The following CTBP2 variants were observed in gnomAD, a reference collection of about 807,000 sequenced individuals.
The protein encoded by CTBP2 is C-terminal binding protein 2, also known as C-terminal-binding protein 2.
Under a neutral mutation model 80.3 loss-of-function variants are expected in CTBP2, and 30 were observed. That is an observed-to-expected ratio of 0.37 (90% CI 0.28 to 0.51). CTBP2 has a LOEUF of 0.51. Among genes scored for constraint, CTBP2 ranks in the 20% least tolerant of loss-of-function variants. The probability of loss-of-function intolerance (pLI) is 0.93; values close to 1 mark genes in which losing one functional copy is unlikely to be tolerated. For missense variants in CTBP2, 1,212 were observed against 1,375.3 expected, an observed-to-expected ratio of 0.88 and a Z score of 1.88; for synonymous variants, 594 against 587.4, an observed-to-expected ratio of 1.01 and a Z score of -0.16.
intron 1 of CTBP2, among the ~76,000 whole-genome samples, chr10:125,009,045 G>T (rs1955570018): frequency 6.6e-6 from 1 of 152,184 alleles, no homozygotes; most frequent in Non-Finnish European, 1.5e-5. Flanking sequence ...GAGAATGTGA[G>T]GTCCCTTTCC....
At chr10:125,132,919 G>A (rs1436690948) in intron 1 of CTBP2, among the ~76,000 whole-genome samples, 2 of 152,198 alleles carry the variant, frequency 1.3e-5, no homozygotes, top group Non-Finnish European at 2.9e-5. Flanking sequence ...TTAACAGTAT[G>A]GCAAAATGAC....
intron 1 of CTBP2, among the ~76,000 whole-genome samples, chr10:125,152,004 G>T (rs1860017033): frequency 6.6e-6 from 1 of 152,162 alleles, no homozygotes; most frequent in Non-Finnish European, 1.5e-5. Context: ...TAAAGGCGAG[G>T]CGCGAGGTGG....
At chr10:125,113,254 T>C (rs891486393) in intron 1 of CTBP2, among the ~76,000 whole-genome samples, 2 of 152,216 alleles carry the variant, frequency 1.3e-5, no homozygotes, top group Non-Finnish European at 2.9e-5. Flanking sequence ...AACTATTTTT[T>C]TGAGGTGGCA....
intron 1 of CTBP2, among the ~76,000 whole-genome samples, chr10:125,121,578 A>C (rs1329734767): frequency 6.6e-6 from 1 of 152,232 alleles, no homozygotes; most frequent in East Asian, 1.9e-4. Flanking sequence ...TATATCACAG[A>C]AAATAGCATA....
chr10:124,992,669 G>T, intron 8 of CTBP2, 26 bp downstream of exon 10: 2 of 1,559,500 alleles, frequency 1.3e-6, no homozygotes, highest in African/African-American at 1.4e-5. Flanking sequence ...CTCACAAGCT[G>T]AGACAAAGTC....
At chr10:125,007,941 T>G (rs1453713428) in intron 1 of CTBP2, among the ~76,000 whole-genome samples, 2 of 151,290 alleles carry the variant, frequency 1.3e-5, no homozygotes, top group East Asian at 3.9e-4. Context: ...AGGCAAAGGC[T>G]GGCTCTGGCT....
chr10:125,080,848 G>A lies in CTBP2; in HGVS notation c.-102+30142C>T, dbSNP rs886613408. Among the ~76,000 whole-genome samples the A allele has an allele frequency of 2.6e-5, 4 of 152,000 alleles. No individual in the cohort carries two copies. In the East Asian group the frequency reaches 5.8e-4, roughly 22 times the overall value. The stretch of plus-strand genomic sequence containing the variant: ...GAGTGCACTTTTAACGTTCAGTGGA[G>A]GCAACTGCACATGCGTCACCTCCAC... On this transcript the variant is annotated intron_variant, in intron 2 of 10. Transcript: ENST00000337195.
At chr10:125,147,693 T>C (rs1048365838) in intron 1 of CTBP2, among the ~76,000 whole-genome samples, 2 of 151,522 alleles carry the variant, frequency 1.3e-5, no homozygotes, top group Non-Finnish European at 2.9e-5. Flanking sequence ...AGCTCAGGAG[T>C]TCATGAGCAG....
intron 1 of CTBP2, among the ~76,000 whole-genome samples, chr10:125,122,035 C>CT (rs1854413883): frequency 1.3e-5 from 2 of 152,216 alleles, no homozygotes; most frequent in Non-Finnish European, 2.9e-5. Context: ...GTCCTGGCTC[C>CT]CCAAAAAGCA....
intron 1 of CTBP2, among the ~76,000 whole-genome samples, chr10:125,125,423 C>G (rs1041093055): frequency 2.5e-4 from 38 of 152,208 alleles, no homozygotes; most frequent in African/African-American, 8.7e-4. Flanking sequence ...TGTCAATATC[C>G]GGTGTTTGGG....
chr10:125,117,996 T>C lies in CTBP2; in HGVS notation c.-205-6903A>G, dbSNP rs181538349. Among the ~76,000 whole-genome samples the C allele has an allele frequency of 1.9e-4, 29 of 152,310 alleles. No homozygotes were observed. The East Asian group carries it at 5.6e-3, about 29-fold the overall frequency. On this transcript the variant is annotated intron_variant, in intron 1 of 10. Transcript: ENST00000337195. Reference sequence around the variant, plus strand: ...GAGAGTGTTTATGGAAATTTTACAATATTAAATATATTCAGCTGGTTTTAA... The same window carrying C: ...GAGAGTGTTTATGGAAATTTTACAACATTAAATATATTCAGCTGGTTTTAA...
chr10:125,026,211 C>T lies in CTBP2; in HGVS notation c.1549G>A (p.Ala517Thr), dbSNP rs775407153. Residue 517 changes from alanine (A) to threonine (T), a missense_variant, in exon 1 of 9, where the codon GCA (alanine) becomes ACA (threonine). Coordinates refer to ENST00000309035, the MANE Select transcript of CTBP2 (RefSeq NM_022802.3). ...GGCAGGGTGGATGGCCCCAGGGGTG[C>T]ACCTGGCTTCCGCAAGACCTGGGGG... is the stretch of plus-strand genomic sequence containing the variant. 9 of 1,613,344 alleles carry T rather than the reference C, an allele frequency of 5.6e-6. No individual in the cohort carries two copies. The South Asian group carries it at 6.6e-5, about 12-fold the overall frequency.
chr10:125,082,556 C>T (rs1252741569), intron 2 of CTBP2, among the ~76,000 whole-genome samples: 1 of 151,466 alleles, frequency 6.6e-6, no homozygotes, highest in African/African-American at 2.4e-5. Context: ...CACGTTTGCA[C>T]ACTGTATCCA....
At chr10:125,021,024 C>T (rs1956983122) in intron 1 of CTBP2, among the ~76,000 whole-genome samples, 1 of 152,212 alleles carries the variant, frequency 6.6e-6, no homozygotes, top group Non-Finnish European at 1.5e-5. Context: ...GTTGTCCCGG[C>T]ATGGCTCACC....
intron 5 of CTBP2, 136 bp downstream of exon 7, chr10:124,994,333 T>C (rs1326919430): frequency 1.1e-6 from 1 of 879,020 alleles, no homozygotes; most frequent in Non-Finnish European, 1.8e-6. Flanking sequence ...TTGTCACTGG[T>C]TTGTTGCAGG....
chr10:125,035,529 C>A (rs1476041472), intron 3 of CTBP2, among the ~76,000 whole-genome samples: 1 of 152,090 alleles, frequency 6.6e-6, no homozygotes, highest in Non-Finnish European at 1.5e-5. Context: ...TCGCAACAGC[C>A]GCAGGAAAGG....
rs1261641616 is a variant in CTBP2 at position 124,988,483 on chromosome 10, C to A, written c.*1035G>T. 1 of 152,576 alleles carries A rather than the reference C, an allele frequency of 6.6e-6. No homozygotes were observed. Among genetic ancestry groups the A allele is most frequent in the Non-Finnish European group, 1.5e-5 (1 of 68,018 alleles). 9.5% of individuals were successfully genotyped at this position (152,576 alleles called of 1,614,324 possible). The stretch of plus-strand genomic sequence containing the variant: ...TGTTTGGGACAATTTTAAAGTTTTT[C>A]TTTTGTCACAAAAACAGGAATGTAC... On this transcript the variant is annotated 3_prime_UTR_variant, in exon 9 of 9. Coordinates refer to ENST00000309035, the MANE Select transcript of CTBP2 (RefSeq NM_022802.3).
intron 2 of CTBP2, among the ~76,000 whole-genome samples, chr10:125,082,912 T>C (rs778185451): frequency 2.0e-5 from 3 of 152,166 alleles, no homozygotes; most frequent in Admixed American, 6.5e-5. Flanking sequence ...TCACAGGACA[T>C]ATGTCCAGCA....
Position 125,040,444 on chromosome 10 carries a change from ACT to A in CTBP2, c.-101-1291_-101-1290del, listed in dbSNP as rs547609601. On this transcript the variant is annotated intron_variant, in intron 2 of 10. Transcript: ENST00000337195. ...CACTCCAACCTGGTGACAGAGCAAG[ACT>A]CTGTCTTTAAAAAAAAAAAAAAAAA... Among the ~76,000 whole-genome samples the A allele has an allele frequency of 1.7e-4, 21 of 126,162 alleles. No individual in the cohort carries two copies. The Admixed American group carries it at 1.7e-3, about 10-fold the overall frequency. The allele number at this position is 126,162 out of a possible 152,430, so 82.8% of individuals were successfully genotyped here.
Sources: allele counts gnomAD v4.1 joint callset (sites outside exome capture counted in the v4.1 genomes callset), GRCh38; gene constraint gnomAD v4.1.1; transcripts MANE v1.5; gene names NCBI Gene and HGNC (gene_info 2026-07-23, HGNC 2026-07-21).